The following ABCB6 variants were observed in gnomAD, a reference collection of about 807,000 sequenced individuals.
ABCB6 encodes ATP-binding cassette sub-family B member 6.
ABCB6 carries 87 observed loss-of-function variants against 99.4 expected under a neutral mutation model. That is an observed-to-expected ratio of 0.88 (90% confidence interval 0.74 to 1.05). The LOEUF is 1.05. Among genes scored for constraint, ABCB6 ranks in the 50% least tolerant of loss-of-function variants. The pLI is 0.00. For synonymous variants in ABCB6, 482 were observed against 447.5 expected (o/e 1.08, Z -0.97); for missense variants, 1,050 against 1,097.9 (o/e 0.96, Z 0.62).
chr2:219,216,233 G>A lies in ABCB6; in HGVS notation c.971-53C>T. 1.3e-6 allele frequency: 2 copies of A among 1,568,168 alleles called. No individual in the cohort carries two copies. The highest frequency in any genetic ancestry group is 1.7e-6 in the Non-Finnish European group (2 of 1,152,864). ...AGGGCCTGGGAGCTGAGGGACGTCA[G>A]CCCAGCACCAGGATGTGAAAGGTCT... On this transcript the variant is annotated intron_variant, in intron 4 of 18. Coordinates refer to ENST00000265316, the MANE Select transcript of ABCB6 (RefSeq NM_005689.4). This position sits in a 1 kb window ranked among gnomAD's most constrained non-coding sequence, Gnocchi z 4.2.
intron 13 of ABCB6, 40 bp from the exon 14 acceptor site, chr2:219,212,531 CTTTT>C (rs754294584): frequency 5.4e-5 from 82 of 1,528,040 alleles, no homozygotes; most frequent in Non-Finnish European, 6.5e-5. Flanking sequence ...GGCCCACTGG[CTTTT>C]TTTTTGAGAC....
Position 219,214,120 on chromosome 2 carries a change from C to A in ABCB6, c.1452+1G>T, listed in dbSNP as rs1387896341. 5 of 1,614,020 alleles carry A rather than the reference C, an allele frequency of 3.1e-6. No individual in the cohort carries two copies. The Admixed American group carries it at 5.0e-5, about 16-fold the overall frequency. On this transcript the variant is annotated splice_donor_variant, in intron 8 of 18. Transcript: ENST00000265316. LOFTEE classifies it high-confidence loss of function. The stretch of plus-strand genomic sequence containing the variant: ...CGGAGGCCTCAAACTAGCATCCTCA[C>A]CTGATATTTGATGATGGCCTCTCGA...
At position 219,218,491 on chromosome 2, in the gene ABCB6, C is replaced by A. The variant is rs1003074361; in HGVS notation, c.183G>T (p.Ser61=). The part of the protein sequence containing the change: ...RRRERPAGAD[S]LSWGAGPRIS... ...TGCGAGGGCCGGCCCCCCAAGACAG[C>A]GAATCAGCACCAGCGGGCCGCTCCC... Residue 61 remains serine, a synonymous_variant, in exon 1 of 19, where the codon TCG becomes TCT. Coordinates refer to ENST00000265316, the MANE Select transcript of ABCB6 (RefSeq NM_005689.4). 1.1e-5 allele frequency: 18 copies of A among 1,608,444 alleles called. No individual in the cohort carries two copies. The African/African-American group carries it at 2.1e-4, about 19-fold the overall frequency.
In ABCB6 at chr2:219,210,955, C is replaced by T; in HGVS notation, c.2122G>A (p.Ala708Thr). ...TCACCTTCAGGGAAAGCCATAATGG[C>T]ATCATGGATGCCTGCAGCCTGAGCA... The part of the protein sequence containing the change: ...AAAQAAGIHD[A>T]IMAFPEGYRT... The change falls in exon 15 of 19, where the codon GCC (alanine) becomes ACC (threonine). Residue 708 changes from alanine to threonine, a missense_variant. By Grantham distance (58) the Ala-to-Thr change is moderately conservative (BLOSUM62 0). Transcript: ENST00000265316. 6.2e-7 allele frequency: 1 copy of T among 1,614,196 alleles called. No individual in the cohort carries two copies. Among genetic ancestry groups the T allele is most frequent in the Non-Finnish European group, 8.5e-7 (1 of 1,180,028 alleles).
chr2:219,215,617 T>C (rs142157240), intron 5 of ABCB6: 1 of 173,986 alleles, frequency 5.7e-6, no homozygotes, highest in African/African-American at 2.4e-5. Flanking sequence ...GGTGCACATC[T>C]GTAATCCCAG....
Position 219,218,706 on chromosome 2 carries a change from C to A in ABCB6, c.-33G>T. 1 of 1,513,396 alleles carries A rather than the reference C, an allele frequency of 6.6e-7. No homozygotes were observed. The highest frequency in any genetic ancestry group is 8.8e-7 in the Non-Finnish European group (1 of 1,130,284). 93.7% of individuals were successfully genotyped at this position (1,513,396 alleles called of 1,614,324 possible). On this transcript the variant is annotated 5_prime_UTR_variant, in exon 1 of 19. Transcript: ENST00000265316. ...CGTGGACGCCGGCCGAGGCTGCGGG[C>A]ACTGCGGGACCGGAGGCCGGGACTG...
At chr2:219,212,292 TG>T (rs1469854035) in intron 14 of ABCB6, 94 bp downstream of exon 14, 25 of 1,046,556 alleles carry the variant, frequency 2.4e-5, no homozygotes, top group Non-Finnish European at 3.5e-5. Flanking sequence ...CTAGTTTTTT[TG>T]CAAGGGTGAC....
At chr2:219,212,292 TGCAAGGG>T in intron 14 of ABCB6, 88 bp downstream of exon 14, 2 of 1,046,668 alleles carry the variant, frequency 1.9e-6, no homozygotes, top group South Asian at 2.7e-5. Context: ...CTAGTTTTTT[TGCAAGGG>T]TGACATCTCC....
In ABCB6 at chr2:219,216,244, G is replaced by C. The variant is rs751978945; in HGVS notation, c.971-64C>G. On this transcript the variant is annotated intron_variant, in intron 4 of 18. Coordinates refer to ENST00000265316, the MANE Select transcript of ABCB6 (RefSeq NM_005689.4). The surrounding 1 kb of genome is among the most constrained non-coding windows in gnomAD (Gnocchi z 4.2). Reference sequence around the variant, plus strand: ...GCTGAGGGACGTCAGCCCAGCACCAGGATGTGAAAGGTCTGAGAGTACATG... The same window carrying C: ...GCTGAGGGACGTCAGCCCAGCACCACGATGTGAAAGGTCTGAGAGTACATG... The C allele has an allele frequency of 6.1e-5, 95 of 1,568,750 alleles. No homozygotes were observed. Among genetic ancestry groups the C allele is most frequent in the Middle Eastern group, 1.7e-4 (1 of 5,754 alleles).
chr2:219,211,453 A>T (rs1950577954), intron 14 of ABCB6, among the ~76,000 whole-genome samples: 1 of 151,840 alleles, frequency 6.6e-6, no homozygotes, highest in Admixed American at 6.6e-5. Context: ...CAGGTGCTTG[A>T]GACTACGTCA....
intron 12 of ABCB6, 30 bp downstream of exon 12, chr2:219,213,211 A>G (rs1439245020): frequency 1.2e-6 from 2 of 1,613,270 alleles, no homozygotes; most frequent in Non-Finnish European, 1.7e-6. Context: ...AATGAACGGA[A>G]AAGCAAAGGA....
intron 14 of ABCB6, among the ~76,000 whole-genome samples, chr2:219,211,850 G>A (rs1479387829): frequency 6.7e-6 from 1 of 149,208 alleles, no homozygotes; most frequent in Non-Finnish European, 1.5e-5. Context: ...TGCAAGCTCC[G>A]CCTCCTGGGT....
chr2:219,213,542 G>A (rs1321626794), intron 10 of ABCB6, 40 bp from the exon 11 acceptor site: 2 of 1,614,132 alleles, frequency 1.2e-6, no homozygotes, highest in African/African-American at 1.3e-5. Flanking sequence ...TGAGTAGCCA[G>A]GAAATAATAA....
intron 13 of ABCB6, 128 bp downstream of exon 13, chr2:219,212,880 G>A: frequency 2.8e-6 from 3 of 1,076,136 alleles, no homozygotes; most frequent in Non-Finnish European, 4.2e-6. Context: ...CATGGAGGCT[G>A]CACCATTCAA....
chr2:219,210,716 C>A lies in ABCB6; in HGVS notation c.2251G>T (p.Asp751Tyr). 1 of 1,613,640 alleles carries A rather than the reference C, an allele frequency of 6.2e-7. No individual in the cohort carries two copies. The highest frequency in any genetic ancestry group is 8.5e-7 in the Non-Finnish European group (1 of 1,180,008). Residue 751 changes from aspartate (D) to tyrosine (Y), a missense_variant, in exon 16 of 19, where the codon GAT becomes TAT. Asp to Tyr is a radical substitution (Grantham distance 160). Transcript: ENST00000265316. ...ILKAPGIILL[D>Y]EATSALDTSN... Reference sequence around the variant, plus strand: ...GGAGGAGACCCAGGGCGCACCTCATCCAGCAGAATGATGCCCGGAGCCTTG... The same window carrying A: ...GGAGGAGACCCAGGGCGCACCTCATACAGCAGAATGATGCCCGGAGCCTTG...
intron 18 of ABCB6, 59 bp from the exon 19 acceptor site, chr2:219,210,105 C>A: frequency 6.3e-7 from 1 of 1,599,066 alleles, no homozygotes; most frequent in Non-Finnish European, 8.6e-7. Context: ...GGGTCCTTGC[C>A]ACCAGCCCAC....
In ABCB6 at chr2:219,216,192, C is replaced by CG. The variant is rs1950639630; in HGVS notation, c.971-13dup. The CG allele has an allele frequency of 1.3e-6, 2 of 1,578,884 alleles. No individual in the cohort carries two copies. Among genetic ancestry groups the CG allele is most frequent in the African/African-American group, 2.7e-5 (2 of 74,338 alleles). Reference sequence around the variant, plus strand: ...GTTGCTCACGAAGCCTGCAGGGAGCCGGGGGACGCCTCAGTAGGGCCTGGG... The same window carrying CG: ...GTTGCTCACGAAGCCTGCAGGGAGCCGGGGGGACGCCTCAGTAGGGCCTGGG... On this transcript the variant is annotated splice_polypyrimidine_tract_variant and intron_variant, in intron 4 of 18. Coordinates refer to ENST00000265316, the MANE Select transcript of ABCB6 (RefSeq NM_005689.4). The surrounding 1 kb of genome is among the most constrained non-coding windows in gnomAD (Gnocchi z 4.2).
Position 219,218,768 on chromosome 2 carries a change from G to A in ABCB6, c.-95C>T. ...AGGGGCGCGGACATCCGGGTGCCTT[G>A]GCTCACGTAGCCGCTGGGCGCCAAG... On this transcript the variant is annotated 5_prime_UTR_variant, in exon 1 of 19. Coordinates refer to ENST00000265316, the MANE Select transcript of ABCB6 (RefSeq NM_005689.4). The A allele has an allele frequency of 7.4e-7, 1 of 1,351,904 alleles. No individual in the cohort carries two copies. The highest frequency in any genetic ancestry group is 9.8e-7 in the Non-Finnish European group (1 of 1,020,164). 83.7% of individuals were successfully genotyped at this position (1,351,904 alleles called of 1,614,324 possible). A position where few individuals can be genotyped will look rare whatever the true frequency, so the allele number is the denominator to read the frequency against.
intron 8 of ABCB6, 74 bp from the exon 9 acceptor site, chr2:219,214,025 C>A: frequency 6.2e-7 from 1 of 1,612,232 alleles, no homozygotes; most frequent in Non-Finnish European, 8.5e-7. Flanking sequence ...TGGGCCCAGG[C>A]CCCTTCTACC....
Sources: allele counts gnomAD v4.1 joint callset (sites outside exome capture counted in the v4.1 genomes callset), GRCh38; gene constraint gnomAD v4.1.1; non-coding constraint Gnocchi (gnomAD v3.1); transcripts MANE v1.5; gene names NCBI Gene and HGNC (gene_info 2026-07-23, HGNC 2026-07-21).